The following VWA3A variants were observed in gnomAD, a reference collection of about 807,000 sequenced individuals.
VWA3A encodes the protein von Willebrand factor A domain containing 3A, also known as von Willebrand factor A domain-containing protein 3A.
VWA3A carries 134 observed loss-of-function variants against 160.4 expected under a neutral mutation model. The ratio of observed to expected loss-of-function variants is 0.84; its 90% CI spans 0.73 to 0.96. The LOEUF (loss-of-function observed/expected upper bound fraction) is 0.96. Ranked by LOEUF, VWA3A falls within the 40% of genes least tolerant of loss-of-function variation. The pLI is 0.00. For synonymous variants in VWA3A, 476 were observed against 543.4 expected (o/e 0.88, Z 1.72); for missense variants, 1,310 against 1,447.9 (o/e 0.90, Z 1.55).
chr16:22,118,521 TA>T (rs1490606842), intron 11 of VWA3A, among the ~76,000 whole-genome samples: 1 of 151,932 alleles, frequency 6.6e-6, no homozygotes, highest in African/African-American at 2.4e-5. Context: ...CCGTCTCTAC[TA>T]AAAATAACAA....
In VWA3A at chr16:22,142,848, G is replaced by A. The variant is rs544526867; in HGVS notation, c.2592+83G>A. ...CAACCATTACTTCTAGGATGGGGGGGCATAATCAGAAATGAGAACAAGCCA... is the reference window on the plus strand; with the variant it reads ...CAACCATTACTTCTAGGATGGGGGGACATAATCAGAAATGAGAACAAGCCA... On this transcript the variant is annotated intron_variant, in intron 25 of 33. Coordinates refer to ENST00000389398, the MANE Select transcript of VWA3A (RefSeq NM_173615.5). The A allele has an allele frequency of 6.6e-5, 71 of 1,073,798 alleles. 1 individual carries two copies. The highest frequency in any genetic ancestry group is 6.2e-5 in the Non-Finnish European group (45 of 727,928). 66.5% of individuals were successfully genotyped at this position (1,073,798 alleles called of 1,614,324 possible).
rs373926184 is a variant in VWA3A at position 22,144,373 on chromosome 16, G to T, written c.2719G>T (p.Val907Phe). 2 of 1,608,470 alleles carry T rather than the reference G, an allele frequency of 1.2e-6. No homozygotes were observed. Among genetic ancestry groups the T allele is most frequent in the East Asian group, 4.5e-5 (2 of 44,856 alleles). The change falls in exon 26 of 34, where the codon GTT (valine) becomes TTT (phenylalanine). Residue 907 changes from valine to phenylalanine, a missense_variant. Coordinates refer to ENST00000389398, the MANE Select transcript of VWA3A (RefSeq NM_173615.5). The stretch of plus-strand genomic sequence containing the variant: ...CAAACACTGCAGCATCTTCCCCAGC[G>T]TTGAGATCCATGTAAGTCACAATTT... ...SAKHCSIFPS[V>F]EIHGVVRHIQ... is the part of the protein sequence containing the mutation.
intron 8 of VWA3A, among the ~76,000 whole-genome samples, chr16:22,112,232 A>G (rs750153814): frequency 4.6e-5 from 7 of 152,102 alleles, no homozygotes; most frequent in Non-Finnish European, 8.8e-5. Flanking sequence ...CCGTGAAGGG[A>G]ATGTCCTCGA....
rs1033210228 is a variant in VWA3A at position 22,148,079 on chromosome 16, T to G, written c.2840-83T>G. The G allele has an allele frequency of 2.7e-6, 4 of 1,458,104 alleles. No individual in the cohort carries two copies. The African/African-American group carries it at 5.7e-5, about 21-fold the overall frequency. The allele number at this position is 1,458,104 out of a possible 1,614,324, so 90.3% of individuals were successfully genotyped here. A position where few individuals can be genotyped will look rare whatever the true frequency, so the allele number is the denominator to read the frequency against. ...CAACAGGTGTCACAAGACTTTATACTTGATAGATAGAGTGAGGGAAACCAC... is the reference window on the plus strand; with the variant it reads ...CAACAGGTGTCACAAGACTTTATACGTGATAGATAGAGTGAGGGAAACCAC... On this transcript the variant is annotated intron_variant, in intron 27 of 33. Transcript: ENST00000389398.
chr16:22,147,762 GTA>G (rs2046280072), intron 27 of VWA3A: 2 of 681,670 alleles, frequency 2.9e-6, no homozygotes, highest in Non-Finnish European at 5.3e-6. Flanking sequence ...GATTTCTTTT[GTA>G]GTATGAATCC....
intron 16 of VWA3A, among the ~76,000 whole-genome samples, chr16:22,125,272 G>C (rs2045825637): frequency 6.6e-6 from 1 of 151,708 alleles, no homozygotes; most frequent in South Asian, 2.1e-4. Context: ...TGTGGTCCCA[G>C]CAACTTGGGA....
intron 17 of VWA3A, among the ~76,000 whole-genome samples, chr16:22,126,885 G>A (rs1005146854): frequency 6.6e-6 from 1 of 151,310 alleles, no homozygotes; most frequent in Non-Finnish European, 1.5e-5. Context: ...ATTTAATTAT[G>A]TGTATATATA....
intron 3 of VWA3A, 132 bp downstream of exon 3, chr16:22,097,827 T>G: frequency 8.3e-7 from 1 of 1,205,662 alleles, no homozygotes; most frequent in Non-Finnish European, 1.1e-6. Context: ...TAAGCATTTA[T>G]CTCTAATCCT....
rs187110833 is a variant in VWA3A at position 22,150,850 on chromosome 16, C to T, written c.3281+4C>T. On this transcript the variant is annotated splice_donor_region_variant and intron_variant, in intron 30 of 33. Coordinates refer to ENST00000389398, the MANE Select transcript of VWA3A (RefSeq NM_173615.5). ...TTTCCTTGAACTGCTCAGACAGGTG[C>T]GCAATATGGAGTCTGACTGAGTTTT... The T allele has an allele frequency of 4.2e-5, 68 of 1,611,036 alleles. No homozygotes were observed. The East Asian group carries it at 6.7e-4, about 16-fold the overall frequency.
intron 21 of VWA3A, among the ~76,000 whole-genome samples, chr16:22,135,017 AC>A (rs941530327): frequency 6.6e-6 from 1 of 152,188 alleles, no homozygotes; most frequent in African/African-American, 2.4e-5. Flanking sequence ...GGAGTTTGAG[AC>A]CAGCCTCAGC....
intron 22 of VWA3A, 22 bp from the exon 23 acceptor site, chr16:22,140,132 G>A (rs781038093): frequency 2.5e-6 from 4 of 1,608,910 alleles, no homozygotes; most frequent in Admixed American, 1.7e-5. Flanking sequence ...TCCTCTGATG[G>A]GAAAGATTGC....
chr16:22,148,127 C>G, intron 27 of VWA3A, 35 bp from the exon 28 acceptor site: 1 of 1,557,790 alleles, frequency 6.4e-7, no homozygotes, highest in Non-Finnish European at 8.7e-7. Flanking sequence ...ACCCCTCACT[C>G]CCTCCCTGCC....
intron 18 of VWA3A, 24 bp downstream of exon 18, chr16:22,131,303 T>C (rs1427365181): frequency 6.2e-7 from 1 of 1,612,592 alleles, no homozygotes; most frequent in South Asian, 1.1e-5. Context: ...AGAGACTTCG[T>C]GGGGCTGTGT....
intron 31 of VWA3A, among the ~76,000 whole-genome samples, chr16:22,155,315 C>A (rs1183445659): frequency 6.6e-6 from 1 of 151,942 alleles, no homozygotes; most frequent in Non-Finnish European, 1.5e-5. Flanking sequence ...ATTCTGACAC[C>A]ATCGTACTTT....
intron 30 of VWA3A, among the ~76,000 whole-genome samples, chr16:22,151,334 G>A (rs967389854): frequency 6.6e-6 from 1 of 151,708 alleles, no homozygotes; most frequent in Non-Finnish European, 1.5e-5. Context: ...TTTTCTAGAC[G>A]GCCCAAGCCG....
chr16:22,148,377 CT>C, intron 28 of VWA3A, 71 bp downstream of exon 28: 1 of 1,509,934 alleles, frequency 6.6e-7, no homozygotes. Context: ...AGCACGCCCC[CT>C]CTTCTCAGTG....
Position 22,141,659 on chromosome 16 carries a change from T to C in VWA3A, c.2461T>C (p.Leu821=). The C allele has an allele frequency of 6.2e-7, 1 of 1,611,632 alleles. No homozygotes were observed. The highest frequency in any genetic ancestry group is 8.5e-7 in the Non-Finnish European group (1 of 1,179,014). ...GTCAAGGGAAGCAGAGACATCTCTTTTACTGTTCTACACAGAGAAAGGGAA... is the reference window on the plus strand; with the variant it reads ...GTCAAGGGAAGCAGAGACATCTCTTCTACTGTTCTACACAGAGAAAGGGAA... The part of the protein sequence containing the change: ...TKSREAETSL[L]LFYTEKGNDV... The change falls in exon 24 of 34, where the codon TTA becomes CTA. Residue 821 remains leucine, a synonymous_variant. Transcript: ENST00000389398.
In VWA3A at chr16:22,144,283, G is replaced by A; in HGVS notation, c.2629G>A (p.Glu877Lys). 1 of 1,613,362 alleles carries A rather than the reference G, an allele frequency of 6.2e-7. No homozygotes were observed. The highest frequency in any genetic ancestry group is 8.5e-7 in the Non-Finnish European group (1 of 1,179,746). The change falls in exon 26 of 34, where the codon GAG becomes AAG. Residue 877 changes from glutamate to lysine, a missense_variant. By Grantham distance (56) the Glu-to-Lys change is moderately conservative. Transcript: ENST00000389398. ...AKYGLKKLKL[E>K]ISRCMGPNCT... Reference sequence around the variant, plus strand: ...ATATGGGCTCAAAAAATTGAAGCTGGAGATTTCCAGATGCATGGGTCCCAA... The same window carrying A: ...ATATGGGCTCAAAAAATTGAAGCTGAAGATTTCCAGATGCATGGGTCCCAA...
At chr16:22,147,653 C>A in intron 27 of VWA3A, 1 of 702,960 alleles carries the variant, frequency 1.4e-6, no homozygotes, top group South Asian at 1.5e-5. Context: ...GTACAGTTGT[C>A]AGGTCAGAGG....
Sources: gnomAD v4.1 joint callset for allele counts (sites outside exome capture counted in the v4.1 genomes callset) on GRCh38, gnomAD v4.1.1 for gene constraint, MANE v1.5 for transcripts, NCBI Gene and HGNC (gene_info 2026-07-23, HGNC 2026-07-21) for gene names.